MRPL1: variants seen among roughly 807,000 people sequenced by gnomAD.
MRPL1 encodes large ribosomal subunit protein uL1m.
Under a neutral mutation model 38.0 loss-of-function variants are expected in MRPL1, and 28 were observed. The observed-to-expected ratio is 0.74, with a 90% CI of 0.55 to 1.01. MRPL1 has a LOEUF of 1.01. Among genes scored for constraint, MRPL1 ranks in the 50% least tolerant of loss-of-function variants. The probability of loss-of-function intolerance (pLI) is 0.00; values close to 1 mark genes in which losing one functional copy is unlikely to be tolerated. For missense variants in MRPL1, 358 were observed against 389.8 expected (o/e 0.92, Z 0.69); for synonymous variants, 123 against 126.7 (o/e 0.97, Z 0.20).
intron 7 of MRPL1, among the ~76,000 whole-genome samples, chr4:77,922,069 A>G (rs1736593689): frequency 1.3e-5 from 2 of 152,224 alleles, no homozygotes; most frequent in African/African-American, 2.4e-5. Flanking sequence ...AAAGGTAGAT[A>G]TCTGTTGATA....
At chr4:77,879,451 CTCTT>C in intron 2 of MRPL1, among the ~76,000 whole-genome samples, 1 of 152,254 alleles carries the variant, frequency 6.6e-6, no homozygotes, top group African/African-American at 2.4e-5. Context: ...CCAACTCAGA[CTCTT>C]TATGTATCAG....
At position 77,949,060 on chromosome 4, in the gene MRPL1, C is replaced by T. The variant is rs113283892; in HGVS notation, c.778-737C>T. ...TGCTGGGATTACAGGCGTGAGCCAC[C>T]GTGCCCAGCCGTGAACTTTTAAAAA... is the stretch of plus-strand genomic sequence containing the variant. On this transcript the variant is annotated intron_variant, in intron 7 of 8. Coordinates refer to ENST00000315567, the MANE Select transcript of MRPL1 (RefSeq NM_020236.4). 2.2e-3 allele frequency among the ~76,000 whole-genome samples: 328 copies of T among 152,258 alleles called. 3 individuals are homozygous for T. Among genetic ancestry groups the T allele is most frequent in the Middle Eastern group, 0.01 (3 of 294 alleles).
Position 77,946,489 on chromosome 4 carries a change from G to A in MRPL1, c.778-3308G>A, listed in dbSNP as rs113437396. Among the ~76,000 whole-genome samples, 101 of 152,274 alleles carry A rather than the reference G, an allele frequency of 6.6e-4. 1 individual carries two copies. The highest frequency in any genetic ancestry group is 2.2e-3 in the African/African-American group (92 of 41,558). The stretch of plus-strand genomic sequence containing the variant: ...ATTAAGAGATTAAAGTAAGACAGGC[G>A]TAAGAAATTATAAGAGTATTATTTG... On this transcript the variant is annotated intron_variant, in intron 7 of 8. Coordinates refer to ENST00000315567, the MANE Select transcript of MRPL1 (RefSeq NM_020236.4).
chr4:77,929,141 G>A (rs1176700976), intron 7 of MRPL1, among the ~76,000 whole-genome samples: 1 of 152,168 alleles, frequency 6.6e-6, no homozygotes, highest in Non-Finnish European at 1.5e-5. Flanking sequence ...AAAAGCAGTG[G>A]TAAGCTGGGC....
At chr4:77,887,465 G>A (rs1735707254) in intron 5 of MRPL1, among the ~76,000 whole-genome samples, 174 bp downstream of exon 5, 1 of 152,122 alleles carries the variant, frequency 6.6e-6, no homozygotes. Context: ...ATCAAGCTAG[G>A]AGAAAACTAT....
chr4:77,946,772 G>A (rs771509032), intron 7 of MRPL1, among the ~76,000 whole-genome samples: 3 of 152,158 alleles, frequency 2.0e-5, no homozygotes, highest in Non-Finnish European at 4.4e-5. Context: ...GGTTCTCAGA[G>A]TGTGGTCCAG....
chr4:77,923,464 G>A (rs951819410), intron 7 of MRPL1, among the ~76,000 whole-genome samples: 3 of 152,136 alleles, frequency 2.0e-5, no homozygotes, highest in South Asian at 2.1e-4. Flanking sequence ...AATCTGTTGA[G>A]ATAATTATTT....
intron 7 of MRPL1, among the ~76,000 whole-genome samples, chr4:77,934,063 G>A (rs1736907785): frequency 1.3e-5 from 2 of 152,206 alleles, no homozygotes; most frequent in African/African-American, 4.8e-5. Flanking sequence ...ATAAAAAAAG[G>A]TATGAGCTGT....
intron 6 of MRPL1, among the ~76,000 whole-genome samples, chr4:77,904,162 G>C (rs1736101205): frequency 6.6e-6 from 1 of 151,646 alleles, no homozygotes. Flanking sequence ...TGGGAGGACT[G>C]CTCAAGCCCA....
intron 7 of MRPL1, among the ~76,000 whole-genome samples, chr4:77,935,019 TG>T (rs1736932904): frequency 1.3e-5 from 2 of 152,186 alleles, no homozygotes; most frequent in African/African-American, 4.8e-5. Flanking sequence ...TGCCAGGGGC[TG>T]GAGGAAGGGG....
intron 2 of MRPL1, among the ~76,000 whole-genome samples, chr4:77,880,097 G>C (rs758296550): frequency 5.3e-5 from 8 of 152,092 alleles, no homozygotes; most frequent in Non-Finnish European, 8.8e-5. Flanking sequence ...TGCCATCTCT[G>C]CCATAACAAA....
In MRPL1 at chr4:77,881,355, A is replaced by G. The variant is rs1002199817; in HGVS notation, c.144-1887A>G. ...TCTTTATTTCTGATCTTAGTTAATG[A>G]TTCTATTCTATGCCTAGTCACCCAA... On this transcript the variant is annotated intron_variant, in intron 2 of 8. Coordinates refer to ENST00000315567, the MANE Select transcript of MRPL1 (RefSeq NM_020236.4). 2.6e-5 allele frequency among the ~76,000 whole-genome samples: 4 copies of G among 151,284 alleles called. No individual in the cohort carries two copies. In the East Asian group the frequency reaches 7.8e-4, roughly 29 times the overall value.
intron 7 of MRPL1, among the ~76,000 whole-genome samples, chr4:77,931,491 C>T (rs1736842632): frequency 6.6e-6 from 1 of 152,186 alleles, no homozygotes; most frequent in Non-Finnish European, 1.5e-5. Flanking sequence ...ATTAATGAAT[C>T]ACTGTGACAC....
At chr4:77,924,005 A>G (rs1736649737) in intron 7 of MRPL1, among the ~76,000 whole-genome samples, 1 of 152,074 alleles carries the variant, frequency 6.6e-6, no homozygotes, top group Non-Finnish European at 1.5e-5. Flanking sequence ...TGTCTCAAAA[A>G]AAAAAAAAAT....
chr4:77,863,491 A>C (rs1314472824), intron 1 of MRPL1, among the ~76,000 whole-genome samples: 20 of 96,956 alleles, frequency 2.1e-4, no homozygotes, highest in African/African-American at 9.6e-4. Context: ...TTGAGACGGC[A>C]GTCTCGCTCT....
intron 7 of MRPL1, among the ~76,000 whole-genome samples, chr4:77,914,654 T>G (rs553952849): frequency 6.6e-6 from 1 of 152,250 alleles, no homozygotes; most frequent in Non-Finnish European, 1.5e-5. Flanking sequence ...TTAATGAGGT[T>G]TCCTTGAGTG....
chr4:77,948,892 T>A (rs1446931355), intron 7 of MRPL1, among the ~76,000 whole-genome samples: 1 of 151,542 alleles, frequency 6.6e-6, no homozygotes, highest in East Asian at 2.0e-4. Flanking sequence ...TGCCTCAGCC[T>A]CCCGAGTAGC....
chr4:77,896,090 G>T (rs1300150508), intron 6 of MRPL1, among the ~76,000 whole-genome samples: 2 of 149,392 alleles, frequency 1.3e-5, no homozygotes, highest in African/African-American at 2.5e-5. Flanking sequence ...ATTTTTAAAA[G>T]ACATTAATTT....
chr4:77,936,295 T>C (rs149162002), intron 7 of MRPL1, among the ~76,000 whole-genome samples: 53 of 152,264 alleles, frequency 3.5e-4, no homozygotes, highest in African/African-American at 1.2e-3. Flanking sequence ...TTTCATAACC[T>C]ATTATGTAGA....
Sources: allele counts gnomAD v4.1 joint callset (sites outside exome capture counted in the v4.1 genomes callset), GRCh38; gene constraint gnomAD v4.1.1; transcripts MANE v1.5; gene names NCBI Gene and HGNC (gene_info 2026-07-23, HGNC 2026-07-21).